The following KSR2 variants were observed in gnomAD, a reference collection of about 807,000 sequenced individuals.
The protein encoded by KSR2 is kinase suppressor of ras 2.
In KSR2, 25 loss-of-function variants were observed where a neutral mutation model predicts 107.8. That is an observed-to-expected ratio of 0.23 (90% CI 0.17 to 0.32). KSR2 has a LOEUF of 0.32. Among genes scored for constraint, KSR2 ranks in the 10% least tolerant of loss-of-function variants. The pLI is 1.00. For missense variants in KSR2, 887 were observed against 1,268.9 expected (o/e 0.70, Z 4.57); for synonymous variants, 480 against 507.0 (o/e 0.95, Z 0.71).
At chr12:117,595,684 T>G (rs933495608) in intron 5 of KSR2, among the ~76,000 whole-genome samples, 1 of 152,194 alleles carries the variant, frequency 6.6e-6, no homozygotes, top group Non-Finnish European at 1.5e-5. Flanking sequence ...AATTCTAATG[T>G]GACCATTTAA....
intron 4 of KSR2, among the ~76,000 whole-genome samples, chr12:117,668,492 AC>A (rs553460470): frequency 5.9e-5 from 9 of 152,026 alleles, no homozygotes; most frequent in Admixed American, 3.9e-4. Context: ...GGGTGCCCCC[AC>A]CCTTCATCGC....
chr12:117,719,862 A>G (rs1887137823), intron 4 of KSR2, among the ~76,000 whole-genome samples: 1 of 152,230 alleles, frequency 6.6e-6, no homozygotes, highest in African/African-American at 2.4e-5. Context: ...GTCTGAGAAT[A>G]TTAGAACTAT....
intron 4 of KSR2, among the ~76,000 whole-genome samples, chr12:117,741,939 T>C (rs977864782): frequency 2.0e-5 from 3 of 152,204 alleles, no homozygotes; most frequent in Non-Finnish European, 4.4e-5. Flanking sequence ...AAGATACTTA[T>C]GAATTTCAAC....
At chr12:117,548,958 G>A (rs1038892165) in intron 9 of KSR2, among the ~76,000 whole-genome samples, 4 of 152,142 alleles carry the variant, frequency 2.6e-5, no homozygotes, top group South Asian at 2.1e-4. Context: ...ACCCTGTGTG[G>A]AAGAAATAAA....
chr12:117,783,998 G>A (rs1242056788), intron 3 of KSR2, among the ~76,000 whole-genome samples: 1 of 152,162 alleles, frequency 6.6e-6, no homozygotes, highest in African/African-American at 2.4e-5. Context: ...CCAATGTTAT[G>A]TGAATAAGGT....
intron 4 of KSR2, among the ~76,000 whole-genome samples, chr12:117,756,018 T>C (rs1888777776): frequency 6.6e-6 from 1 of 151,924 alleles, no homozygotes; most frequent in Non-Finnish European, 1.5e-5. Context: ...CTGAGAGAGG[T>C]GAGGAAGCTG....
intron 1 of KSR2, chr12:117,889,745 G>C (rs1459297840): frequency 6.6e-6 from 1 of 152,172 alleles, no homozygotes; most frequent in Non-Finnish European, 1.5e-5. Flanking sequence ...AACTGTAAGT[G>C]ATTTTGTCCT....
chr12:117,936,518 T>TAGTAG (rs1566089508), intron 1 of KSR2, among the ~76,000 whole-genome samples: 35 of 39,702 alleles, frequency 8.8e-4, no homozygotes, highest in East Asian at 1.2e-3. Context: ...TATTTTATTA[T>TAGTAG]TATTATTATT....
chr12:117,611,350 T>C (rs1054563473), intron 5 of KSR2, among the ~76,000 whole-genome samples: 1 of 150,258 alleles, frequency 6.7e-6, no homozygotes, highest in African/African-American at 2.4e-5. Flanking sequence ...GGGTTGGATA[T>C]GGGATCTAAG....
Position 117,897,086 on chromosome 12 carries a change from T to A in KSR2, c.181-36655A>T, listed in dbSNP as rs1417972414. Among the ~76,000 whole-genome samples the A allele has an allele frequency of 6.6e-6, 1 of 152,136 alleles. No individual in the cohort carries two copies. The highest frequency in any genetic ancestry group is 1.5e-5 in the Non-Finnish European group (1 of 68,012). On this transcript the variant is annotated intron_variant, in intron 1 of 19. Coordinates refer to ENST00000339824, the MANE Select transcript of KSR2 (RefSeq NM_173598.6). The surrounding 1 kb of genome is among the most constrained non-coding windows in gnomAD (Gnocchi z 4.5). ...TTCTTCCTCTCTGCCCTGTTCCTCT[T>A]CGCCCAAGTCTACCGGGACTGATGT...
chr12:117,795,961 C>T (rs531779390), intron 3 of KSR2, among the ~76,000 whole-genome samples: 75 of 152,214 alleles, frequency 4.9e-4, no homozygotes, highest in Non-Finnish European at 8.1e-4. Flanking sequence ...GTCTCTCACT[C>T]TGTCACCCAG....
rs1274025861 is a variant in KSR2 at position 117,530,942 on chromosome 12, T to C, written c.1801A>G (p.Ile601Val). The stretch of plus-strand genomic sequence containing the variant: ...GGAAGATGTCTCTGTCTCACTTACA[T>C]TGGATTCGAGGTCACCGGATGCAGG... ...VILHPVTSNP[I>V]LEGNPLLQIE... is the part of the protein sequence containing the mutation. The change falls in exon 12 of 20, where the codon ATC becomes GTC. Residue 601 changes from isoleucine to valine, a missense_variant and splice_region_variant. Coordinates refer to ENST00000339824, the MANE Select transcript of KSR2 (RefSeq NM_173598.6). 9 of 1,613,510 alleles carry C rather than the reference T, an allele frequency of 5.6e-6. No homozygotes were observed. Among genetic ancestry groups the C allele is most frequent in the African/African-American group, 1.3e-5 (1 of 74,898 alleles).
At chr12:117,473,743 G>C (rs1461615840) in intron 17 of KSR2, among the ~76,000 whole-genome samples, 1 of 152,168 alleles carries the variant, frequency 6.6e-6, no homozygotes, top group Non-Finnish European at 1.5e-5. Context: ...GAGAGAAATA[G>C]GGCTTTGAGT....
intron 4 of KSR2, among the ~76,000 whole-genome samples, chr12:117,683,291 G>T (rs1593126759): frequency 6.6e-6 from 1 of 151,940 alleles, no homozygotes; most frequent in African/African-American, 2.4e-5. Flanking sequence ...CTAGAAAACA[G>T]AGAAACAGAC....
At chr12:117,939,548 TA>T (rs1295082683) in intron 1 of KSR2, among the ~76,000 whole-genome samples, 1 of 152,014 alleles carries the variant, frequency 6.6e-6, no homozygotes, top group East Asian at 1.9e-4. Flanking sequence ...CCATCTCTAC[TA>T]AAAATACAAA....
rs147672618 is a variant in KSR2, at chr12:117,835,831, T to C, written c.472+19597A>G. On this transcript the variant is annotated intron_variant, in intron 3 of 19. Coordinates refer to ENST00000339824, the MANE Select transcript of KSR2 (RefSeq NM_173598.6). ...GTTGAGAAACCCTAGGGGCTAGCCC[T>C]TTTTGTGCTGTAATTGGAGACCACC... Among the ~76,000 whole-genome samples the C allele has an allele frequency of 3.9e-3, 597 of 152,072 alleles. 5 individuals are homozygous for C. The highest frequency in any genetic ancestry group is 0.013 in the African/African-American group (548 of 41,492).
intron 14 of KSR2, among the ~76,000 whole-genome samples, chr12:117,523,943 G>T (rs1200559317): frequency 6.6e-6 from 1 of 152,182 alleles, no homozygotes; most frequent in Non-Finnish European, 1.5e-5. Context: ...TTGCACTCCA[G>T]CCTGGGCAAG....
At chr12:117,689,864 G>C (rs1885742736) in intron 4 of KSR2, among the ~76,000 whole-genome samples, 1 of 152,142 alleles carries the variant, frequency 6.6e-6, no homozygotes, top group Admixed American at 6.5e-5. Flanking sequence ...GAGAGTAAGG[G>C]GGGTGGGGGG....
chr12:117,454,041 C>T lies in KSR2; in HGVS notation c.*13158G>A, dbSNP rs964100820. 6.6e-6 allele frequency: 1 copy of T among 152,118 alleles called. No homozygotes were observed. The highest frequency in any genetic ancestry group is 2.4e-5 in the African/African-American group (1 of 41,418). The allele number at this position is 152,118 out of a possible 1,614,324, so 9.4% of individuals were successfully genotyped here. A position where few individuals can be genotyped will look rare whatever the true frequency, so the allele number is the denominator to read the frequency against. On this transcript the variant is annotated 3_prime_UTR_variant, in exon 20 of 20. Coordinates refer to ENST00000339824, the MANE Select transcript of KSR2 (RefSeq NM_173598.6). ...AAATATCTAAATAAATGGGTAACAC[C>T]CACCACCTCGCTATTCTAGTCCCTT...
Sources: gnomAD v4.1 joint callset for allele counts (sites outside exome capture counted in the v4.1 genomes callset) on GRCh38, gnomAD v4.1.1 for gene constraint, Gnocchi (gnomAD v3.1) non-coding constraint, MANE v1.5 for transcripts, NCBI Gene and HGNC (gene_info 2026-07-23, HGNC 2026-07-21) for gene names.